LRRTM4: variants seen among roughly 807,000 people sequenced by gnomAD.
The protein encoded by LRRTM4 is leucine-rich repeat transmembrane neuronal protein 4.
LRRTM4 carries 25 observed loss-of-function variants against 47.6 expected under a neutral mutation model. The observed-to-expected ratio is 0.53, with a 90% confidence interval of 0.38 to 0.73. The LOEUF (loss-of-function observed/expected upper bound fraction) is 0.73. Among genes scored for constraint, LRRTM4 ranks in the 30% least tolerant of loss-of-function variants. LRRTM4 has a pLI of 0.00. For missense variants in LRRTM4, 638 were observed against 713.4 expected (o/e 0.89, Z 1.20); for synonymous variants, 311 against 269.5 (o/e 1.15, Z -1.51).
At chr2:76,804,267 T>G (rs796532455) in intron 3 of LRRTM4, among the ~76,000 whole-genome samples, 44 of 152,292 alleles carry the variant, frequency 2.9e-4, no homozygotes, top group African/African-American at 9.9e-4. Context: ...ATTCTGAGAT[T>G]TTTTAATTTG....
At chr2:77,396,580 T>A (rs991772329) in intron 3 of LRRTM4, among the ~76,000 whole-genome samples, 1 of 151,964 alleles carries the variant, frequency 6.6e-6, no homozygotes, top group Non-Finnish European at 1.5e-5. Context: ...TTAGTCTTTA[T>A]AAAAGTTTTC....
At chr2:77,286,390 A>G (rs1169651050) in intron 3 of LRRTM4, among the ~76,000 whole-genome samples, 1 of 151,984 alleles carries the variant, frequency 6.6e-6, no homozygotes, top group East Asian at 1.9e-4. Context: ...TTACTTAAAA[A>G]TTGATAATTA....
intron 3 of LRRTM4, among the ~76,000 whole-genome samples, chr2:76,870,476 AT>A (rs1672591576): frequency 6.6e-6 from 1 of 151,970 alleles, no homozygotes; most frequent in East Asian, 1.9e-4. Flanking sequence ...AAAAAACCAC[AT>A]TTTTTCAAAG....
intron 3 of LRRTM4, among the ~76,000 whole-genome samples, chr2:77,058,396 G>A (rs911907301): frequency 2.6e-5 from 4 of 152,264 alleles, no homozygotes; most frequent in Middle Eastern, 3.4e-3. Context: ...TTAGGCAAAT[G>A]TGAAGAGAGG....
At chr2:77,377,659 C>T (rs760532828) in intron 3 of LRRTM4, among the ~76,000 whole-genome samples, 1 of 151,998 alleles carries the variant, frequency 6.6e-6, no homozygotes, top group African/African-American at 2.4e-5. Flanking sequence ...AATCTATCTA[C>T]AAACAGCTAA....
chr2:76,952,292 T>A (rs1231554993), intron 3 of LRRTM4, among the ~76,000 whole-genome samples: 1 of 152,000 alleles, frequency 6.6e-6, no homozygotes, highest in African/African-American at 2.4e-5. Context: ...ATTTGCAGAC[T>A]ATGCCTCCAA....
intron 3 of LRRTM4, among the ~76,000 whole-genome samples, chr2:77,128,853 T>C (rs1163331262): frequency 6.6e-6 from 1 of 152,168 alleles, no homozygotes; most frequent in African/African-American, 2.4e-5. Flanking sequence ...TTGCTCAGGC[T>C]GGTCTCAAAC....
intron 3 of LRRTM4, among the ~76,000 whole-genome samples, chr2:76,930,302 G>A (rs1674727999): frequency 1.3e-5 from 2 of 152,130 alleles, no homozygotes; most frequent in Admixed American, 1.3e-4. Context: ...CATTAGCTAA[G>A]TCTCATGATG....
At chr2:77,226,674 T>C (rs941424084) in intron 3 of LRRTM4, among the ~76,000 whole-genome samples, 2 of 151,942 alleles carry the variant, frequency 1.3e-5, no homozygotes, top group Non-Finnish European at 2.9e-5. Context: ...TTGTTGAGCT[T>C]AATAAGTGAA....
intron 3 of LRRTM4, among the ~76,000 whole-genome samples, chr2:77,413,383 A>C (rs897320471): frequency 2.0e-5 from 3 of 152,120 alleles, no homozygotes; most frequent in Non-Finnish European, 4.4e-5. Flanking sequence ...GTAACCAATT[A>C]GCTGTAGCAG....
At chr2:76,923,331 T>C (rs1674491536) in intron 3 of LRRTM4, among the ~76,000 whole-genome samples, 1 of 152,024 alleles carries the variant, frequency 6.6e-6, no homozygotes, top group Non-Finnish European at 1.5e-5. Context: ...GTTGTTAAAT[T>C]TGTAGAAAGT....
At chr2:77,206,607 C>T (rs1674134019) in intron 3 of LRRTM4, among the ~76,000 whole-genome samples, 1 of 152,006 alleles carries the variant, frequency 6.6e-6, no homozygotes, top group African/African-American at 2.4e-5. Flanking sequence ...GCCTCAGCCT[C>T]CCGAGTAGCT....
intron 3 of LRRTM4, among the ~76,000 whole-genome samples, chr2:77,362,881 C>T (rs1047935401): frequency 6.6e-6 from 1 of 152,048 alleles, no homozygotes; most frequent in African/African-American, 2.4e-5. Context: ...CTCAAGCTGA[C>T]CGAGTCAATA....
At chr2:76,929,211 G>A (rs1033054209) in intron 3 of LRRTM4, among the ~76,000 whole-genome samples, 2 of 152,142 alleles carry the variant, frequency 1.3e-5, no homozygotes, top group African/African-American at 4.8e-5. Flanking sequence ...ACATATCACT[G>A]GAAGGAAAGA....
At chr2:77,415,470 T>C (rs1355252828) in intron 3 of LRRTM4, among the ~76,000 whole-genome samples, 1 of 152,188 alleles carries the variant, frequency 6.6e-6, no homozygotes, top group African/African-American at 2.4e-5. Flanking sequence ...CTTATTCATA[T>C]AGCCTTCTTA....
intron 3 of LRRTM4, among the ~76,000 whole-genome samples, chr2:76,805,767 T>C (rs953829473): frequency 3.3e-5 from 5 of 152,168 alleles, no homozygotes; most frequent in African/African-American, 1.2e-4. Context: ...CTAAGTGCCT[T>C]GAAGGTAGTT....
chr2:76,895,105 C>T (rs1385172178), intron 3 of LRRTM4, among the ~76,000 whole-genome samples: 2 of 151,844 alleles, frequency 1.3e-5, no homozygotes, highest in Non-Finnish European at 2.9e-5. Flanking sequence ...GTAGAATAAT[C>T]CCAAGTAGGT....
intron 3 of LRRTM4, among the ~76,000 whole-genome samples, chr2:77,193,097 C>T (rs752616677): frequency 6.6e-6 from 1 of 152,192 alleles, no homozygotes; most frequent in African/African-American, 2.4e-5. Flanking sequence ...TGATTCAATG[C>T]ATTACCTTTG....
chr2:77,024,705 A>G (rs1316281328), intron 3 of LRRTM4, among the ~76,000 whole-genome samples: 5 of 152,182 alleles, frequency 3.3e-5, no homozygotes, highest in African/African-American at 1.2e-4. Context: ...AGAATGGAAC[A>G]AAATTACATG....
Sources: allele counts gnomAD v4.1 joint callset (sites outside exome capture counted in the v4.1 genomes callset), GRCh38; gene constraint gnomAD v4.1.1; transcripts MANE v1.5; gene names NCBI Gene and HGNC (gene_info 2026-07-23, HGNC 2026-07-21).